Variants in LMTK3 observed in about 807,000 individuals in gnomAD.
The protein encoded by LMTK3 is serine/threonine-protein kinase LMTK3.
In LMTK3, 27 loss-of-function variants were observed where a neutral mutation model predicts 116.7. That is an observed-to-expected ratio of 0.23 (90% CI 0.17 to 0.32). The LOEUF (loss-of-function observed/expected upper bound fraction) is 0.32. LMTK3 is among the 10% of genes least tolerant of loss of function. The pLI is 1.00. For synonymous variants in LMTK3, 965 were observed against 971.0 expected (o/e 0.99, Z 0.11); for missense variants, 1,764 against 2,068.5 (o/e 0.85, Z 2.86).
chr19:48,496,525 C>T lies in LMTK3; in HGVS notation c.3676+868G>A, dbSNP rs138489011. Among the ~76,000 whole-genome samples the T allele has an allele frequency of 4.0e-3, 613 of 152,350 alleles. 8 individuals carry two copies. Among genetic ancestry groups the T allele is most frequent in the African/African-American group, 0.014 (580 of 41,576 alleles). The stretch of plus-strand genomic sequence containing the variant: ...TGTTGTCCAGGCTGGTCTTGAACTC[C>T]TGACCTCAGGTGATCCGCCCACCTC... On this transcript the variant is annotated intron_variant, in intron 11 of 14. Coordinates refer to ENST00000600059, the MANE Select transcript of LMTK3 (RefSeq NM_001388485.1).
rs1406682656 is a variant in LMTK3 at position 48,500,902 on chromosome 19, C to A, written c.1151+94G>T. ...ACTCTTGAGGGGTATGGAGGGCAAA[C>A]GGGATGTGGGTGATGTGGGAAACGA... On this transcript the variant is annotated intron_variant, in intron 10 of 14. Transcript: ENST00000600059. The surrounding 1 kb of genome is among the most constrained non-coding windows in gnomAD (Gnocchi z 4.0). The A allele has an allele frequency of 1.5e-6, 2 of 1,291,878 alleles. No individual in the cohort carries two copies. The highest frequency in any genetic ancestry group is 3.0e-5 in the Admixed American group (1 of 33,384). The allele number at this position is 1,291,878 out of a possible 1,614,324, so 80.0% of individuals were successfully genotyped here.
chr19:48,508,544 C>T (rs539766286), intron 5 of LMTK3, among the ~76,000 whole-genome samples: 30 of 152,212 alleles, frequency 2.0e-4, no homozygotes, highest in African/African-American at 7.2e-4. Flanking sequence ...ATCCTCTCAG[C>T]TGCCCTCTTC....
chr19:48,485,902 TG>T, intron 14 of LMTK3, 113 bp from the exon 15 acceptor site: 1 of 1,072,474 alleles, frequency 9.3e-7, no homozygotes. Context: ...CCAAAAGATC[TG>T]CTCTGTTCCC....
intron 5 of LMTK3, among the ~76,000 whole-genome samples, chr19:48,508,018 A>C (rs886533930): frequency 6.6e-6 from 1 of 152,086 alleles, no homozygotes; most frequent in African/African-American, 2.4e-5. Flanking sequence ...CCTGGGGATG[A>C]GCAAGGAGTG....
intron 14 of LMTK3, among the ~76,000 whole-genome samples, chr19:48,487,384 C>T (rs1163247366): frequency 3.9e-5 from 6 of 151,966 alleles, no homozygotes; most frequent in Admixed American, 1.3e-4. Flanking sequence ...CCATGTTGGC[C>T]GGCTGGTCTC....
chr19:48,510,809 C>G (rs1242453241), intron 1 of LMTK3, among the ~76,000 whole-genome samples: 1 of 152,152 alleles, frequency 6.6e-6, no homozygotes, highest in Non-Finnish European at 1.5e-5. Flanking sequence ...TCTTCTCGTC[C>G]CAAACTGGGA....
intron 3 of LMTK3, among the ~76,000 whole-genome samples, chr19:48,509,748 A>G (rs1972626635): frequency 6.6e-6 from 1 of 151,916 alleles, no homozygotes; most frequent in Admixed American, 6.6e-5. Flanking sequence ...TCAGCCTCCC[A>G]TTGGCTGCCT....
chr19:48,489,145 G>C (rs1972176342), intron 14 of LMTK3, among the ~76,000 whole-genome samples: 1 of 152,364 alleles, frequency 6.6e-6, no homozygotes, highest in Non-Finnish European at 1.5e-5. Context: ...TGTGTGGTCA[G>C]TGTCTGCGGG....
chr19:48,505,803 G>C (rs1972557719), intron 5 of LMTK3, among the ~76,000 whole-genome samples: 1 of 150,814 alleles, frequency 6.6e-6, no homozygotes, highest in Non-Finnish European at 1.5e-5. Context: ...GGAGATTGCA[G>C]TGAGCTGAGG....
intron 5 of LMTK3, 129 bp downstream of exon 5, chr19:48,508,722 G>C (rs1167144085): frequency 3.9e-6 from 3 of 760,194 alleles, no homozygotes; most frequent in Admixed American, 4.1e-5. Flanking sequence ...GAGGTTCAGG[G>C]AGGGAAGTTC....
chr19:48,494,128 G>C lies in LMTK3; in HGVS notation c.3677-19C>G, dbSNP rs927147881. The stretch of plus-strand genomic sequence containing the variant: ...AGCCTGGCTGCGAGGGGAGAGACCT[G>C]GTGAGCCCCTGTCCCGGTGAAACTG... On this transcript the variant is annotated intron_variant, in intron 11 of 14. Transcript: ENST00000600059. This position sits in a 1 kb window ranked among gnomAD's most constrained non-coding sequence, Gnocchi z 4.0. 4.2e-6 allele frequency: 5 copies of C among 1,188,338 alleles called. No individual in the cohort carries two copies. Among genetic ancestry groups the C allele is most frequent in the Non-Finnish European group, 4.2e-6 (4 of 957,920 alleles). The allele number at this position is 1,188,338 out of a possible 1,614,324, so 73.6% of individuals were successfully genotyped here.
rs1391124578 is a variant in LMTK3 at position 48,501,538 on chromosome 19, C to A, written c.819G>T (p.Leu273=). The change falls in exon 8 of 15, where the codon CTG becomes CTT. Residue 273 remains leucine (L), a synonymous_variant. Transcript: ENST00000600059. ...VHSDLALRNC[L]LTSDLTVRIG... ...TGCGCACGGTCAGGTCAGAGGTCAGCAGGCAGTTGCGCAGGGCCAGGTCGC... is the reference window on the plus strand; with the variant it reads ...TGCGCACGGTCAGGTCAGAGGTCAGAAGGCAGTTGCGCAGGGCCAGGTCGC... The A allele has an allele frequency of 6.2e-7, 1 of 1,611,134 alleles. No individual in the cohort carries two copies.
rs1408127136 is a variant in LMTK3 at position 48,499,308 on chromosome 19, G to C, written c.1761C>G (p.Pro587=). The C allele has an allele frequency of 1.3e-5, 18 of 1,418,602 alleles. No homozygotes were observed. The South Asian group carries it at 1.6e-4, about 12-fold the overall frequency. The allele number at this position is 1,418,602 out of a possible 1,614,324, so 87.9% of individuals were successfully genotyped here. A position where few individuals can be genotyped will look rare whatever the true frequency, so the allele number is the denominator to read the frequency against. The part of the protein sequence containing the change: ...PQLVSETWAS[P]LFPAPRPFPA... ...GGAAGGGCCGGGGCGCAGGGAAGAG[G>C]GGGGAGGCCCAGGTCTCGGACACCA... Residue 587 remains proline, a synonymous_variant, in exon 11 of 15, where the codon CCC becomes CCG. Coordinates refer to ENST00000600059, the MANE Select transcript of LMTK3 (RefSeq NM_001388485.1).
In LMTK3 at chr19:48,509,977, C is replaced by G. The variant is rs748203670; in HGVS notation, c.361+46G>C. On this transcript the variant is annotated intron_variant, in intron 3 of 14. Transcript: ENST00000600059. ...AGGAACACACTCAACATCTTCTGGC[C>G]TTTCCCGGGACACCATGGGATGCTG... 3.1e-6 allele frequency: 5 copies of G among 1,604,818 alleles called. No individual in the cohort carries two copies. In the South Asian group the frequency reaches 3.3e-5, roughly 11 times the overall value.
Position 48,485,686 on chromosome 19 carries a change from C to A in LMTK3, c.*87G>T. 1 of 1,434,010 alleles carries A rather than the reference C, an allele frequency of 7.0e-7. No homozygotes were observed. Among genetic ancestry groups the A allele is most frequent in the Non-Finnish European group, 9.6e-7 (1 of 1,036,576 alleles). 88.8% of individuals were successfully genotyped at this position (1,434,010 alleles called of 1,614,324 possible). A position where few individuals can be genotyped will look rare whatever the true frequency, so the allele number is the denominator to read the frequency against. The stretch of plus-strand genomic sequence containing the variant: ...GGGGCCTCCCCAGAGGCGGCGTCTG[C>A]GGTGGTGGCAGTGGCGCCGTCATCC... On this transcript the variant is annotated 3_prime_UTR_variant, in exon 15 of 15. Transcript: ENST00000600059.
rs750468145 is a variant in LMTK3 at position 48,501,470 on chromosome 19, A to G, written c.879+8T>C. 6.2e-7 allele frequency: 1 copy of G among 1,612,732 alleles called. No individual in the cohort carries two copies. ...CACAGCCCCCATCCCGACGGAAGGAAGCCCTACCTTGTAGTTGCTGTGGGC... is the reference window on the plus strand; with the variant it reads ...CACAGCCCCCATCCCGACGGAAGGAGGCCCTACCTTGTAGTTGCTGTGGGC... On this transcript the variant is annotated splice_region_variant and intron_variant, in intron 8 of 14. Transcript: ENST00000600059.
At position 48,491,274 on chromosome 19, in the gene LMTK3, G is replaced by A; in HGVS notation, c.4229-29C>T. On this transcript the variant is annotated intron_variant, in intron 13 of 14. Coordinates refer to ENST00000600059, the MANE Select transcript of LMTK3 (RefSeq NM_001388485.1). This position sits in a 1 kb window ranked among gnomAD's most constrained non-coding sequence, Gnocchi z 5.1. ...CGGCAGAAGGAAAGACCGCGGTCAG[G>A]CTGCAGACACCTGCGGCACTCCCGC... 1 of 1,382,994 alleles carries A rather than the reference G, an allele frequency of 7.2e-7. No homozygotes were observed. Among genetic ancestry groups the A allele is most frequent in the African/African-American group, 1.5e-5 (1 of 66,092 alleles). The allele number at this position is 1,382,994 out of a possible 1,614,324, so 85.7% of individuals were successfully genotyped here. A position where few individuals can be genotyped will look rare whatever the true frequency, so the allele number is the denominator to read the frequency against.
At position 48,510,450 on chromosome 19, in the gene LMTK3, G is replaced by A; in HGVS notation, c.210+9C>T. 6.3e-7 allele frequency: 1 copy of A among 1,592,322 alleles called. No individual in the cohort carries two copies. Among genetic ancestry groups the A allele is most frequent in the Non-Finnish European group, 8.6e-7 (1 of 1,169,380 alleles). ...TCCTCCCCAAGTTGAATCCCCTCAT[G>A]CACCTCACCTTGAAGCCGACATCGC... On this transcript the variant is annotated intron_variant, in intron 2 of 14. Transcript: ENST00000600059.
upstream of LMTK3, chr19:48,513,111 G>A (rs1259224613): frequency 2.5e-6 from 4 of 1,576,196 alleles, no homozygotes; most frequent in African/African-American, 4.1e-5. This position sits in a 1 kb window ranked among gnomAD's most constrained non-coding sequence, Gnocchi z 5.6. Context: ...ACAGACACGC[G>A]CACAGACACA....
Sources: allele counts gnomAD v4.1 joint callset (sites outside exome capture counted in the v4.1 genomes callset), GRCh38; gene constraint gnomAD v4.1.1; non-coding constraint Gnocchi (gnomAD v3.1); transcripts MANE v1.5; gene names NCBI Gene and HGNC (gene_info 2026-07-23, HGNC 2026-07-21).